LINGO2: variants seen among roughly 807,000 people sequenced by gnomAD.
LINGO2 encodes leucine-rich repeat and immunoglobulin-like domain-containing nogo receptor-interacting protein 2.
A neutral mutation model predicts 30.6 loss-of-function variants in LINGO2; 14 were observed. The observed-to-expected ratio is 0.46, with a 90% CI of 0.30 to 0.72. LINGO2 has a LOEUF of 0.72. LINGO2 is among the 30% of genes least tolerant of loss of function. The pLI is 0.07. For synonymous variants in LINGO2, 317 were observed against 288.5 expected, an observed-to-expected ratio of 1.10 and a Z score of -1.00; for missense variants, 729 against 751.7, an observed-to-expected ratio of 0.97 and a Z score of 0.35.
the LINGO2 span, among the ~76,000 whole-genome samples, chr9:28,783,139 T>C: frequency 6.6e-6 from 1 of 152,338 alleles, no homozygotes; most frequent in South Asian, 2.1e-4. Flanking sequence ...TAATTCAACT[T>C]CTGGTGCTCA....
At chr9:28,212,722 A>G (rs1003358226) in intron 4 of LINGO2, among the ~76,000 whole-genome samples, 1 of 151,428 alleles carries the variant, frequency 6.6e-6, no homozygotes. Context: ...AAATTTAAAA[A>G]TCAAACCCTC....
chr9:28,100,158 C>T (rs943229386), intron 4 of LINGO2, among the ~76,000 whole-genome samples: 13 of 152,242 alleles, frequency 8.5e-5, no homozygotes, highest in Admixed American at 2.0e-4. Flanking sequence ...CACCTAGCAT[C>T]GTACCTAAAA....
intron 3 of LINGO2, among the ~76,000 whole-genome samples, chr9:28,298,915 C>T (rs185877744): frequency 1.1e-4 from 17 of 152,238 alleles, no homozygotes; most frequent in African/African-American, 2.2e-4. Flanking sequence ...CATGTACAAA[C>T]GCTGTTTTCC....
intron 2 of LINGO2, among the ~76,000 whole-genome samples, chr9:28,448,139 C>G (rs1824502316): frequency 6.6e-6 from 1 of 151,864 alleles, no homozygotes; most frequent in African/African-American, 2.4e-5. Flanking sequence ...TGATTAAGAT[C>G]TAAAAATATC....
intron 4 of LINGO2, among the ~76,000 whole-genome samples, chr9:28,042,582 AAG>A (rs1824241938): frequency 6.6e-6 from 1 of 152,174 alleles, no homozygotes; most frequent in African/African-American, 2.4e-5. Flanking sequence ...TAGGATATGA[AAG>A]AAAGGTACAA....
intron 4 of LINGO2, among the ~76,000 whole-genome samples, chr9:28,186,417 G>A (rs1481734086): frequency 2.0e-5 from 3 of 152,178 alleles, no homozygotes; most frequent in African/African-American, 4.8e-5. Context: ...TGCGAGCCAA[G>A]TACTGCTCTA....
intron 4 of LINGO2, among the ~76,000 whole-genome samples, chr9:28,286,861 C>T (rs371420344): frequency 3.3e-5 from 5 of 152,222 alleles, no homozygotes; most frequent in African/African-American, 1.2e-4. Context: ...CTAATTGGTA[C>T]TAGACTTAAC....
At chr9:28,043,643 T>G (rs1330839706) in intron 4 of LINGO2, among the ~76,000 whole-genome samples, 2 of 152,166 alleles carry the variant, frequency 1.3e-5, no homozygotes, top group Non-Finnish European at 2.9e-5. Context: ...GAATTAACCC[T>G]CATGTACCCA....
At chr9:28,427,776 G>A (rs1045433443) in intron 2 of LINGO2, among the ~76,000 whole-genome samples, 28 of 152,190 alleles carry the variant, frequency 1.8e-4, no homozygotes, top group Non-Finnish European at 3.2e-4. Flanking sequence ...TGAAAAAGCT[G>A]TGCCAGGAAA....
At chr9:29,048,865 C>T in the LINGO2 span, among the ~76,000 whole-genome samples, 137 of 152,220 alleles carry the variant, frequency 9.0e-4, no homozygotes, top group African/African-American at 3.2e-3. Context: ...AAAACTACTA[C>T]AAGAAAACAT....
At chr9:29,051,977 T>A in the LINGO2 span, among the ~76,000 whole-genome samples, 1 of 152,200 alleles carries the variant, frequency 6.6e-6, no homozygotes, top group Admixed American at 6.5e-5. Context: ...TGTGTGTGAA[T>A]ATATAATTCT....
chr9:28,347,324 C>T (rs779887885), intron 3 of LINGO2, among the ~76,000 whole-genome samples: 9 of 152,222 alleles, frequency 5.9e-5, no homozygotes, highest in South Asian at 2.1e-4. Context: ...CTAGCTAGAC[C>T]CATTACAACG....
chr9:28,779,502 A>G, the LINGO2 span, among the ~76,000 whole-genome samples: 3 of 152,276 alleles, frequency 2.0e-5, no homozygotes, highest in East Asian at 5.8e-4. Context: ...ATTCTGTTTT[A>G]AAATATGAAT....
chr9:28,830,105 TACAAACCC>T, the LINGO2 span, among the ~76,000 whole-genome samples: 1 of 152,180 alleles, frequency 6.6e-6, no homozygotes, highest in South Asian at 2.1e-4. Context: ...AGCAGAGTGC[TACAAACCC>T]ACAGATGAGG....
chr9:28,721,762 G>A, the LINGO2 span, among the ~76,000 whole-genome samples: 1 of 151,858 alleles, frequency 6.6e-6, no homozygotes, highest in Non-Finnish European at 1.5e-5. Context: ...CATGGGACAT[G>A]TATACCTATG....
the LINGO2 span, among the ~76,000 whole-genome samples, chr9:28,759,758 C>T: frequency 6.6e-6 from 1 of 151,728 alleles, no homozygotes; most frequent in Non-Finnish European, 1.5e-5. Flanking sequence ...TGAAAATAGC[C>T]CATAGCCAAG....
chr9:29,192,048 A>C, the LINGO2 span, among the ~76,000 whole-genome samples: 2 of 152,158 alleles, frequency 1.3e-5, no homozygotes, highest in African/African-American at 4.8e-5. Flanking sequence ...ACCTAAACTA[A>C]TTACTAATAT....
chr9:28,744,172 C>G, the LINGO2 span, among the ~76,000 whole-genome samples: 4 of 150,176 alleles, frequency 2.7e-5, no homozygotes, highest in East Asian at 5.8e-4. Flanking sequence ...CTTTTTAATA[C>G]TTTATCTTTG....
intron 1 of LINGO2, among the ~76,000 whole-genome samples, chr9:28,525,971 G>T (rs1185921650): frequency 6.7e-6 from 1 of 148,174 alleles, no homozygotes; most frequent in Non-Finnish European, 1.5e-5. Flanking sequence ...CAGAAGAATG[G>T]CATGAACCCG....
Sources: gnomAD v4.1 joint callset for allele counts (sites outside exome capture counted in the v4.1 genomes callset) on GRCh38, gnomAD v4.1.1 for gene constraint, MANE v1.5 for transcripts, NCBI Gene and HGNC (gene_info 2026-07-23, HGNC 2026-07-21) for gene names.